The following APOL4 variants were observed in gnomAD, a reference collection of about 807,000 sequenced individuals.
The protein encoded by APOL4 is apolipoprotein L4.
A neutral mutation model predicts 12.1 loss-of-function variants in APOL4; 14 were observed. The observed-to-expected ratio is 1.16, with a 90% CI of 0.76 to 1.81. The LOEUF (loss-of-function observed/expected upper bound fraction) is 1.81, where lower values mean the gene tolerates loss of function less well. Among genes scored for constraint, APOL4 ranks in the 40% most tolerant of loss-of-function variants. The pLI, the probability that APOL4 is intolerant of heterozygous loss-of-function variation, is 0.00. For missense variants in APOL4, 432 were observed against 423.1 expected, an observed-to-expected ratio of 1.02 and a Z score of -0.18; for synonymous variants, 171 against 160.6, an observed-to-expected ratio of 1.06 and a Z score of -0.49.
chr22:36,199,611 G>C (rs2014510644), intron 1 of APOL4: 1 of 1,553,244 alleles, frequency 6.4e-7, no homozygotes, highest in South Asian at 1.2e-5. Context: ...CGCTTGTCCT[G>C]TTGGAGAATG....
chr22:36,191,719 T>C lies in APOL4; in HGVS notation c.403A>G (p.Arg135Gly). The change falls in exon 4 of 4, where the codon AGA (arginine) becomes GGA (glycine). Residue 135 changes from arginine (R) to glycine (G), a missense_variant. Arg to Gly is a moderately radical substitution (Grantham distance 125). Transcript: ENST00000683024. ...ACCACATTGGCGATGACGCAGCCTC[T>C]GTGGACCTTTTCAATCTCATTTGCA... is the stretch of plus-strand genomic sequence containing the variant. ...VIANEIEKVH[R>G]GCVIANVVSG... 1.9e-6 allele frequency: 3 copies of C among 1,614,066 alleles called. No individual in the cohort carries two copies. In the Admixed American group the frequency reaches 5.0e-5, roughly 27 times the overall value.
In APOL4 at chr22:36,201,743, G is replaced by T; in HGVS notation, c.-9C>A. 6.2e-7 allele frequency: 1 copy of T among 1,605,990 alleles called. No homozygotes were observed. Among genetic ancestry groups the T allele is most frequent in the South Asian group, 1.1e-5 (1 of 89,184 alleles). The stretch of plus-strand genomic sequence containing the variant: ...TGCACCCAGGATCCCATCCTCCTTG[G>T]TCATTGTTGGCCTGGCTCAGACGCT... On this transcript the variant is annotated 5_prime_UTR_variant, in exon 1 of 4. Transcript: ENST00000683024.
chr22:36,195,289 G>A (rs1355902092), intron 3 of APOL4, 22 bp downstream of exon 3: 2 of 1,610,616 alleles, frequency 1.2e-6, no homozygotes, highest in Admixed American at 1.7e-5. Context: ...GTGCCCCAAG[G>A]AGGTAACCCC....
At chr22:36,199,495 C>T (rs1368060090) in intron 1 of APOL4, 119 bp from the exon 2 acceptor site, 37 of 1,612,210 alleles carry the variant, frequency 2.3e-5, no homozygotes, top group African/African-American at 1.1e-4. Context: ...CAAGACCAAC[C>T]TAACCCAGAT....
chr22:36,203,231 A>C (rs567021521), upstream of APOL4, among the ~76,000 whole-genome samples: 2 of 152,282 alleles, frequency 1.3e-5, no homozygotes, highest in Admixed American at 6.5e-5. Context: ...AATAATAGAC[A>C]CACACAAGAT....
In APOL4 at chr22:36,191,485, C is replaced by T. The variant is rs1291445577; in HGVS notation, c.637G>A (p.Glu213Lys). 2 of 1,614,072 alleles carry T rather than the reference C, an allele frequency of 1.2e-6. No individual in the cohort carries two copies. The change falls in exon 4 of 4, where the codon GAG becomes AAG. Residue 213 changes from glutamate to lysine, a missense_variant. Transcript: ENST00000683024. Reference sequence around the variant, plus strand: ...TCACGCAGAATGTCCCTTAATGCCTCCAATTGGTCAGTGCTGGTTGCAGTC... The same window carrying T: ...TCACGCAGAATGTCCCTTAATGCCTTCAATTGGTCAGTGCTGGTTGCAGTC... ...RLTATSTDQL[E>K]ALRDILRDIT...
intron 2 of APOL4, among the ~76,000 whole-genome samples, chr22:36,195,786 A>T (rs868094734): frequency 0.01 from 1,494 of 147,040 alleles, 11 homozygotes; most frequent in African/African-American, 0.037. Flanking sequence ...TCACACACAC[A>T]CACACACACA....
chr22:36,201,805 T>A lies in APOL4; in HGVS notation c.-71A>T. On this transcript the variant is annotated 5_prime_UTR_variant, in exon 1 of 4. Transcript: ENST00000683024. ...TCTGCTGAATGTTGAGGCTGGATAC[T>A]GACTGTTAGCCTCAACTAGGACACA... The A allele has an allele frequency of 6.3e-7, 1 of 1,576,840 alleles. No individual in the cohort carries two copies. The highest frequency in any genetic ancestry group is 8.6e-7 in the Non-Finnish European group (1 of 1,160,796).
At chr22:36,192,766 G>A (rs556802985) in intron 3 of APOL4, among the ~76,000 whole-genome samples, 43 of 152,280 alleles carry the variant, frequency 2.8e-4, no homozygotes, top group East Asian at 5.8e-4. Context: ...GGTGATGGGC[G>A]TTTAGGGCTA....
At chr22:36,192,828 C>A (rs968636924) in intron 3 of APOL4, among the ~76,000 whole-genome samples, 1 of 152,160 alleles carries the variant, frequency 6.6e-6, no homozygotes, top group Non-Finnish European at 1.5e-5. Context: ...GGGGTTAGAC[C>A]TTGGGGAAGG....
At position 36,195,373 on chromosome 22, in the gene APOL4, CA is replaced by C. The variant is rs532365740; in HGVS notation, c.146del (p.Leu49ArgfsTer5). The C allele has an allele frequency of 6.2e-7, 1 of 1,613,832 alleles. No homozygotes were observed. The highest frequency in any genetic ancestry group is 1.1e-5 in the South Asian group (1 of 91,068). ...YFQKKVSPVH[L>X]KILLTSDEAW... Reference sequence around the variant, plus strand: ...CTTCATCGCTAGTCAGCAGGATTTTCAGATGCACTGGGCTAACTTTCTTCTG... The same window carrying C: ...CTTCATCGCTAGTCAGCAGGATTTTCGATGCACTGGGCTAACTTTCTTCTG... On this transcript the variant is annotated frameshift_variant, in exon 3 of 4. Coordinates refer to ENST00000683024, the MANE Select transcript of APOL4 (RefSeq NM_001386885.1). LOFTEE classifies it high-confidence loss of function.
At chr22:36,199,679 T>C in intron 1 of APOL4, 1 of 1,535,458 alleles carries the variant, frequency 6.5e-7, no homozygotes, top group Non-Finnish European at 8.8e-7. Context: ...CTACACAGTC[T>C]ATACGCAGAA....
At chr22:36,194,154 C>A (rs2014337713) in intron 3 of APOL4, among the ~76,000 whole-genome samples, 1 of 152,094 alleles carries the variant, frequency 6.6e-6, no homozygotes, top group South Asian at 2.1e-4. Context: ...CAGTTGAAGC[C>A]ACTCGTCCCC....
intron 1 of APOL4, among the ~76,000 whole-genome samples, chr22:36,200,516 G>A (rs1257694984): frequency 6.6e-6 from 1 of 152,226 alleles, no homozygotes; most frequent in East Asian, 1.9e-4. Flanking sequence ...GAGCCCTCCT[G>A]GCGCTGCCCT....
upstream of APOL4, among the ~76,000 whole-genome samples, chr22:36,203,379 G>C (rs971322939): frequency 6.6e-6 from 1 of 152,206 alleles, no homozygotes; most frequent in African/African-American, 2.4e-5. Flanking sequence ...AGGTGGGATG[G>C]TCACATGGGG....
At position 36,191,243 on chromosome 22, in the gene APOL4, A is replaced by G; in HGVS notation, c.879T>C (p.Thr293=). The G allele has an allele frequency of 1.9e-6, 3 of 1,614,044 alleles. No homozygotes were observed. Among genetic ancestry groups the G allele is most frequent in the Non-Finnish European group, 1.7e-6 (2 of 1,179,894 alleles). Residue 293 remains threonine (T), a synonymous_variant, in exon 4 of 4, where the codon ACT becomes ACC. Transcript: ENST00000683024. The part of the protein sequence containing the change: ...RKVARNLGKA[T]SGVLVVLDVV... ...CATCCAGCACAACAAGGACACCTGA[A>G]GTGGCCTTGCCCAGGTTCCGGGCTA...
chr22:36,201,408 G>A (rs576732881), intron 1 of APOL4, among the ~76,000 whole-genome samples: 1 of 151,360 alleles, frequency 6.6e-6, no homozygotes, highest in East Asian at 1.9e-4. Context: ...TTGTCTCAGG[G>A]TTCAGACACA....
At chr22:36,192,017 C>A in intron 3 of APOL4, 105 bp from the exon 4 acceptor site, 1 of 1,069,846 alleles carries the variant, frequency 9.3e-7, no homozygotes, top group South Asian at 1.7e-5. Flanking sequence ...TTCTATAAGT[C>A]AAATGGAAGT....
intron 1 of APOL4, among the ~76,000 whole-genome samples, chr22:36,200,141 C>G (rs1337686837): frequency 6.6e-6 from 1 of 152,136 alleles, no homozygotes; most frequent in Non-Finnish European, 1.5e-5. Flanking sequence ...GTGTCTCATT[C>G]AATGATCACA....
Sources: gnomAD v4.1 joint callset for allele counts (sites outside exome capture counted in the v4.1 genomes callset) on GRCh38, gnomAD v4.1.1 for gene constraint, MANE v1.5 for transcripts, NCBI Gene and HGNC (gene_info 2026-07-23, HGNC 2026-07-21) for gene names.